The following ZNF582 variants were observed in gnomAD, a reference collection of about 807,000 sequenced individuals.
ZNF582 encodes zinc finger protein 582.
In ZNF582, 14 loss-of-function variants were observed where a neutral mutation model predicts 12.3. That is an observed-to-expected ratio of 1.14 (90% CI 0.75 to 1.78). The LOEUF (loss-of-function observed/expected upper bound fraction) is 1.78. ZNF582 is among the 40% of genes most tolerant of loss of function. The pLI, the probability that ZNF582 is intolerant of heterozygous loss-of-function variation, is 0.00. For missense variants in ZNF582, 567 were observed against 616.5 expected (o/e 0.92, Z 0.85); for synonymous variants, 210 against 207.2 (o/e 1.01, Z -0.11).
intron 4 of ZNF582, chr19:56,387,277 A>T (rs2041975032): frequency 6.6e-6 from 1 of 152,196 alleles, no homozygotes; most frequent in Non-Finnish European, 1.5e-5. Flanking sequence ...CAGTATTCCT[A>T]ACATTTGTCT....
At chr19:56,385,221 T>G in intron 4 of ZNF582, 37 bp from the exon 5 acceptor site, 1 of 1,527,334 alleles carries the variant, frequency 6.5e-7, no homozygotes, top group African/African-American at 1.4e-5. Context: ...TTGGCTTCTT[T>G]TTTTTTCCAG....
chr19:56,393,097 G>A (rs2042030038), intron 1 of ZNF582, 123 bp downstream of exon 1: 1 of 828,284 alleles, frequency 1.2e-6, no homozygotes, highest in African/African-American at 1.8e-5. Flanking sequence ...CTGGGGTCTT[G>A]TAACTCTCTG....
rs2041940867 is a variant in ZNF582, at chr19:56,384,047, TCA to T, written c.1368_1369del (p.Cys456Ter). On this transcript the variant is annotated stop_gained and frameshift_variant, in exon 5 of 5. Coordinates refer to ENST00000586929, the Ensembl canonical transcript of ZNF582. LOFTEE classifies it low-confidence loss of function (END_TRUNC). ...AGTTGAATCATGACTCAAGGTCTTC[TCA>T]CATTCCTTATATTCATAGGGCTTTT... 4.3e-6 allele frequency: 7 copies of T among 1,612,306 alleles called. No homozygotes were observed. The highest frequency in any genetic ancestry group is 5.1e-6 in the Non-Finnish European group (6 of 1,179,408).
At chr19:56,391,690 G>A in intron 2 of ZNF582, 54 bp downstream of exon 2, 1 of 1,544,020 alleles carries the variant, frequency 6.5e-7, no homozygotes, top group Non-Finnish European at 9.0e-7. Context: ...ATGGAACCCA[G>A]GTGGAAAGTT....
intron 3 of ZNF582, 87 bp from the exon 4 acceptor site, chr19:56,390,183 C>A: frequency 7.2e-7 from 1 of 1,395,026 alleles, no homozygotes; most frequent in Non-Finnish European, 1.0e-6. Flanking sequence ...GCAGGAGAGG[C>A]AGTTGCAGGA....
intron 4 of ZNF582, among the ~76,000 whole-genome samples, chr19:56,387,882 T>C (rs549853020): frequency 6.6e-6 from 1 of 152,382 alleles, no homozygotes; most frequent in South Asian, 2.1e-4. Context: ...CTTCTCCTTT[T>C]AGAAACATAA....
intron 2 of ZNF582, 95 bp downstream of exon 2, chr19:56,391,649 A>T: frequency 8.9e-7 from 1 of 1,123,190 alleles, no homozygotes; most frequent in South Asian, 1.3e-5. Context: ...TTATTCCCTA[A>T]AATGGGAAAG....
exon 4 of ZNF582, chr19:56,390,034 C>T (rs1228126395): frequency 6.2e-7 from 1 of 1,614,056 alleles, no homozygotes; most frequent in Non-Finnish European, 8.5e-7. Context: ...ACTCTCTCCA[C>T]CATCCAGGGC....
chr19:56,385,073 C>A (rs1455765393), exon 5 of ZNF582: 1 of 1,614,094 alleles, frequency 6.2e-7, no homozygotes, highest in South Asian at 1.1e-5. Flanking sequence ...GAAACTTGAA[C>A]ACTCAAGACC....
chr19:56,384,199 C>G (rs1380657270), exon 5 of ZNF582: 3 of 1,608,840 alleles, frequency 1.9e-6, no homozygotes, highest in Non-Finnish European at 2.5e-6. Flanking sequence ...GATGTGAGAC[C>G]CGTTTGAAGG....
chr19:56,392,815 G>A (rs534067500), intron 1 of ZNF582, among the ~76,000 whole-genome samples: 8 of 152,326 alleles, frequency 5.3e-5, no homozygotes, highest in African/African-American at 1.9e-4. Flanking sequence ...ACTCTGTAAA[G>A]GAGTATATAA....
At chr19:56,392,658 C>A (rs1395994645) in intron 1 of ZNF582, among the ~76,000 whole-genome samples, 1 of 152,140 alleles carries the variant, frequency 6.6e-6, no homozygotes, top group Non-Finnish European at 1.5e-5. Flanking sequence ...CTACTGAATC[C>A]TTTGAGAACA....
At chr19:56,383,229 C>T in exon 5 of ZNF582, 1 of 152,194 alleles carries the variant, frequency 6.6e-6, no homozygotes, top group Non-Finnish European at 1.5e-5. Context: ...AAGAAATATT[C>T]TCCTAAATTT....
chr19:56,390,453 ATTC>A, exon 3 of ZNF582: 1 of 1,614,134 alleles, frequency 6.2e-7, no homozygotes. Context: ...AACCACTGCC[ATTC>A]TTCTTGGGAG....
chr19:56,384,593 C>G (rs759782368), exon 5 of ZNF582: 1 of 1,613,922 alleles, frequency 6.2e-7, no homozygotes, highest in African/African-American at 1.3e-5. Context: ...TGTGTGAGTT[C>G]GCTGATGTTC....
intron 4 of ZNF582, among the ~76,000 whole-genome samples, chr19:56,387,162 G>C (rs1448581609): frequency 6.6e-6 from 1 of 152,126 alleles, no homozygotes; most frequent in Non-Finnish European, 1.5e-5. Flanking sequence ...TCTTAATATG[G>C]CTCTTTGTGA....
chr19:56,385,000 G>A, exon 5 of ZNF582: 1 of 1,614,116 alleles, frequency 6.2e-7, no homozygotes, highest in Non-Finnish European at 8.5e-7. Flanking sequence ...TCATCTGATG[G>A]AAATGTCTGT....
At chr19:56,384,114 A>G in exon 5 of ZNF582, 1 of 1,612,640 alleles carries the variant, frequency 6.2e-7, no homozygotes, top group African/African-American at 1.3e-5. Context: ...AATTGTGAGC[A>G]ATGACTAAAA....
rs756386053 is a variant in ZNF582, at chr19:56,390,389, T to A, written c.122A>T (p.Asn41Ile). ...GATCACCTTACCCAGTGAGACCAGG[T>A]TGCTGTAGGTCTCCAACATCACGTC... The change falls in exon 3 of 5, where the codon AAC becomes ATC. Residue 41 changes from asparagine (N) to isoleucine (I), a missense_variant. Asn to Ile is a moderately radical substitution (Grantham distance 149). Transcript: ENST00000586929. 3.1e-6 allele frequency: 5 copies of A among 1,614,054 alleles called. No individual in the cohort carries two copies. The African/African-American group carries it at 5.3e-5, about 17-fold the overall frequency.
Sources: gnomAD v4.1 joint callset for allele counts (sites outside exome capture counted in the v4.1 genomes callset) on GRCh38, gnomAD v4.1.1 for gene constraint, MANE v1.5 for transcripts, NCBI Gene and HGNC (gene_info 2026-07-23, HGNC 2026-07-21) for gene names.